ITGB1: variants seen among roughly 807,000 people sequenced by gnomAD.
The protein encoded by ITGB1 is integrin beta-1.
ITGB1 carries 24 observed loss-of-function variants against 86.5 expected under a neutral mutation model. The ratio of observed to expected loss-of-function variants is 0.28; its 90% confidence interval spans 0.20 to 0.39. The LOEUF is 0.39. Among genes scored for constraint, ITGB1 ranks in the 10% least tolerant of loss-of-function variants. ITGB1 has a pLI of 1.00. For missense variants in ITGB1, 556 were observed against 946.9 expected (o/e 0.59, Z 5.42); for synonymous variants, 323 against 316.8 (o/e 1.02, Z -0.21).
At chr10:32,928,526 A>G (rs916096740) in intron 4 of ITGB1, among the ~76,000 whole-genome samples, 4 of 152,178 alleles carry the variant, frequency 2.6e-5, no homozygotes, top group African/African-American at 9.7e-5. Flanking sequence ...ACAGACAAAA[A>G]GTCAGTTTAT....
At chr10:32,914,570 G>A (rs1436297605) in intron 11 of ITGB1, among the ~76,000 whole-genome samples, 2 of 152,116 alleles carry the variant, frequency 1.3e-5, no homozygotes, top group Non-Finnish European at 2.9e-5. Flanking sequence ...GACAAAGAAC[G>A]CCATTACATA....
chr10:32,922,638 ACC>A lies in ITGB1; in HGVS notation c.1038_1038+1del. ...CTTGTTCTTTTTATCTCACACATTT[ACC>A]TTGTAAACAGGCTGAAATTCTTCAG... is the stretch of plus-strand genomic sequence containing the variant. On this transcript the variant is annotated splice_donor_variant and coding_sequence_variant, in exon 8 of 16. Coordinates refer to ENST00000302278, the MANE Select transcript of ITGB1 (RefSeq NM_002211.4). LOFTEE classifies it high-confidence loss of function. The A allele has an allele frequency of 6.6e-7, 1 of 1,522,192 alleles. No homozygotes were observed. 94.3% of individuals were successfully genotyped at this position (1,522,192 alleles called of 1,614,324 possible). A position where few individuals can be genotyped will look rare whatever the true frequency, so the allele number is the denominator to read the frequency against.
At chr10:32,928,073 C>A in intron 5 of ITGB1, 21 bp downstream of exon 5, 1 of 1,405,160 alleles carries the variant, frequency 7.1e-7, no homozygotes, top group South Asian at 1.3e-5. Context: ...TGAAAATGGT[C>A]AATGTTCCCA....
At chr10:32,944,064 G>A (rs552457331) in intron 1 of ITGB1, among the ~76,000 whole-genome samples, 10 of 152,352 alleles carry the variant, frequency 6.6e-5, no homozygotes, top group African/African-American at 1.9e-4. Flanking sequence ...AAGTTGGTTA[G>A]AGGAGCCGCA....
chr10:32,920,877 G>A (rs2094947274), intron 9 of ITGB1, among the ~76,000 whole-genome samples: 1 of 151,810 alleles, frequency 6.6e-6, no homozygotes, highest in Non-Finnish European at 1.5e-5. Flanking sequence ...CAGCTACTCG[G>A]GAGGCTGAGA....
intron 1 of ITGB1, among the ~76,000 whole-genome samples, chr10:32,948,705 C>G (rs1332554091): frequency 1.3e-5 from 2 of 152,106 alleles, no homozygotes; most frequent in African/African-American, 2.4e-5. Flanking sequence ...CTCTCTTGCC[C>G]TTCCACCTTC....
intron 3 of ITGB1, among the ~76,000 whole-genome samples, chr10:32,930,814 G>A (rs934022545): frequency 1.3e-5 from 2 of 152,058 alleles, no homozygotes; most frequent in African/African-American, 4.8e-5. Flanking sequence ...GATTTTAAAT[G>A]TGGTATACAT....
chr10:32,954,986 A>G (rs1297774055), intron 1 of ITGB1, among the ~76,000 whole-genome samples: 1 of 152,178 alleles, frequency 6.6e-6, no homozygotes, highest in Non-Finnish European at 1.5e-5. Context: ...CCTGAAAGAG[A>G]GAAACTTTTT....
In ITGB1 at chr10:32,920,294, C is replaced by G. The variant is rs1156928035; in HGVS notation, c.1220G>C (p.Gly407Ala). The stretch of plus-strand genomic sequence containing the variant: ...ACATTTTCTTCCATTTTCCCCTGTT[C>G]CATTCACCCCGTTCTTGCAGTAAGA... ...YKSYCKNGVN[G>A]TGENGRKCSN... Residue 407 changes from glycine to alanine, a missense_variant, in exon 10 of 16, where the codon GGA becomes GCA. Physicochemically the swap from Gly to Ala is moderately conservative, Grantham distance 60. Coordinates refer to ENST00000302278, the MANE Select transcript of ITGB1 (RefSeq NM_002211.4). 6.2e-7 allele frequency: 1 copy of G among 1,613,522 alleles called. No individual in the cohort carries two copies. The highest frequency in any genetic ancestry group is 8.5e-7 in the Non-Finnish European group (1 of 1,179,728).
chr10:32,945,832 A>G (rs900237235), intron 1 of ITGB1, among the ~76,000 whole-genome samples: 1 of 152,220 alleles, frequency 6.6e-6, no homozygotes, highest in African/African-American at 2.4e-5. Flanking sequence ...ATAAATATAT[A>G]AGCTAACCAT....
At chr10:32,922,452 C>CT in intron 8 of ITGB1, 106 bp from the exon 9 acceptor site, 2 of 852,130 alleles carry the variant, frequency 2.3e-6, no homozygotes, top group Non-Finnish European at 3.8e-6. Flanking sequence ...ATGTTTCCTC[C>CT]TAACTAACTT....
At chr10:32,933,782 G>A (rs2094991827) in intron 2 of ITGB1, among the ~76,000 whole-genome samples, 1 of 152,040 alleles carries the variant, frequency 6.6e-6, no homozygotes, top group African/African-American at 2.4e-5. Context: ...CAGTTGTACA[G>A]TTTTGTATAC....
Position 32,939,828 on chromosome 10 carries a change from A to G in ITGB1, c.1-4270T>C, listed in dbSNP as rs550953239. Among the ~76,000 whole-genome samples the G allele has an allele frequency of 1.2e-4, 18 of 152,258 alleles. No individual in the cohort carries two copies. In the South Asian group the frequency reaches 3.7e-3, roughly 32 times the overall value. On this transcript the variant is annotated intron_variant, in intron 1 of 15. Coordinates refer to ENST00000302278, the MANE Select transcript of ITGB1 (RefSeq NM_002211.4). ...TGAACAGGACATTACTGACATTACT[A>G]TACACAGTACTGTGGACACAAATAC...
intron 13 of ITGB1, among the ~76,000 whole-genome samples, chr10:32,910,774 A>G (rs1422839324): frequency 6.6e-6 from 1 of 151,746 alleles, no homozygotes; most frequent in Non-Finnish European, 1.5e-5. Flanking sequence ...TTTGCGATGG[A>G]GTCTTGTTCT....
intron 11 of ITGB1, among the ~76,000 whole-genome samples, chr10:32,916,855 T>A (rs1402163352): frequency 6.6e-6 from 1 of 152,130 alleles, no homozygotes; most frequent in Non-Finnish European, 1.5e-5. Flanking sequence ...AAAGTTCATA[T>A]GGAACCAAAA....
At chr10:32,916,997 T>C (rs36003674) in intron 11 of ITGB1, among the ~76,000 whole-genome samples, 196 of 152,228 alleles carry the variant, frequency 1.3e-3, no homozygotes, top group Middle Eastern at 6.8e-3. Flanking sequence ...AACAGAGATA[T>C]AGACCTATGG....
chr10:32,932,395 C>T, intron 3 of ITGB1, 120 bp downstream of exon 3: 1 of 661,082 alleles, frequency 1.5e-6, no homozygotes. Flanking sequence ...AGCTCCAAAC[C>T]ATTAGGTTAT....
chr10:32,956,698 T>C (rs1335178184), intron 1 of ITGB1, among the ~76,000 whole-genome samples: 2 of 152,162 alleles, frequency 1.3e-5, no homozygotes, highest in Non-Finnish European at 2.9e-5. Context: ...ACAGAGACCC[T>C]GTCTCAAAAC....
At chr10:32,927,529 C>T (rs907827417) in intron 5 of ITGB1, among the ~76,000 whole-genome samples, 7 of 152,174 alleles carry the variant, frequency 4.6e-5, no homozygotes, top group East Asian at 3.9e-4. Context: ...TGGTGGCTCA[C>T]GCCTGTAGTC....
Sources: allele counts gnomAD v4.1 joint callset (sites outside exome capture counted in the v4.1 genomes callset), GRCh38; gene constraint gnomAD v4.1.1; transcripts MANE v1.5; gene names NCBI Gene and HGNC (gene_info 2026-07-23, HGNC 2026-07-21).